The following CTNND2 variants were observed in gnomAD, a reference collection of about 807,000 sequenced individuals.
The protein encoded by CTNND2 is catenin delta-2.
Under a neutral mutation model 144.4 loss-of-function variants are expected in CTNND2, and 22 were observed. The observed-to-expected ratio is 0.15, with a 90% CI of 0.11 to 0.22. CTNND2 has a LOEUF of 0.22. Ranked by LOEUF, CTNND2 falls within the 10% of genes least tolerant of loss-of-function variation. The probability of loss-of-function intolerance (pLI) is 1.00; values close to 1 mark genes in which losing one functional copy is unlikely to be tolerated. For missense variants in CTNND2, 1,353 were observed against 1,618.8 expected (o/e 0.84, Z 2.82); for synonymous variants, 751 against 695.6 (o/e 1.08, Z -1.25).
chr5:11,867,737 G>T (rs1795840881), intron 1 of CTNND2, among the ~76,000 whole-genome samples: 1 of 152,036 alleles, frequency 6.6e-6, no homozygotes, highest in South Asian at 2.1e-4. Flanking sequence ...CAGCAAATCA[G>T]TGATAAAGCT....
At chr5:11,489,416 A>C (rs1446415033) in intron 3 of CTNND2, among the ~76,000 whole-genome samples, 2 of 152,168 alleles carry the variant, frequency 1.3e-5, no homozygotes, top group African/African-American at 4.8e-5. Context: ...TCCTAGATAA[A>C]ATTTGTAAGA....
chr5:11,689,246 G>A (rs753712790), intron 2 of CTNND2, among the ~76,000 whole-genome samples: 4 of 152,014 alleles, frequency 2.6e-5, no homozygotes, highest in Non-Finnish European at 5.9e-5. Context: ...TCTGGGATCT[G>A]GTTTCTTAAT....
At chr5:11,323,051 T>C (rs1412187839) in intron 9 of CTNND2, among the ~76,000 whole-genome samples, 2 of 152,106 alleles carry the variant, frequency 1.3e-5, no homozygotes, top group Non-Finnish European at 2.9e-5. Context: ...GTTTGTTTGT[T>C]TGTCTGAGTC....
intron 10 of CTNND2, among the ~76,000 whole-genome samples, chr5:11,201,466 C>T (rs1347873748): frequency 6.6e-6 from 1 of 152,226 alleles, no homozygotes; most frequent in African/African-American, 2.4e-5. Flanking sequence ...GCAGCTCTTC[C>T]AATCCGGCTT....
At chr5:11,277,783 C>T (rs538819190) in intron 9 of CTNND2, among the ~76,000 whole-genome samples, 80 of 152,164 alleles carry the variant, frequency 5.3e-4, no homozygotes, top group Admixed American at 4.0e-3. Context: ...CTGCCCGCCT[C>T]GGCCTCCCAA....
intron 1 of CTNND2, among the ~76,000 whole-genome samples, chr5:11,896,941 G>A (rs903749410): frequency 1.3e-5 from 2 of 152,124 alleles, no homozygotes; most frequent in Non-Finnish European, 2.9e-5. Flanking sequence ...TTCAACCTGA[G>A]TTAAGCAACA....
At chr5:11,221,153 T>C (rs1363921477) in intron 10 of CTNND2, among the ~76,000 whole-genome samples, 3 of 152,232 alleles carry the variant, frequency 2.0e-5, no homozygotes, top group Non-Finnish European at 4.4e-5. Context: ...ATAGCTTTTC[T>C]TGAAACATTT....
intron 3 of CTNND2, among the ~76,000 whole-genome samples, chr5:11,448,601 G>T (rs1765043777): frequency 6.6e-6 from 1 of 151,988 alleles, no homozygotes. Flanking sequence ...ATCTCATTTT[G>T]GTTTTCACAG....
intron 16 of CTNND2, among the ~76,000 whole-genome samples, chr5:11,044,542 ATAC>A (rs1485271252): frequency 1.2e-4 from 10 of 83,348 alleles, no homozygotes; most frequent in East Asian, 2.3e-3. Flanking sequence ...AAAAAAAAAA[ATAC>A]ATATATATAT....
At chr5:11,383,264 T>G (rs1758702830) in intron 7 of CTNND2, among the ~76,000 whole-genome samples, 1 of 152,292 alleles carries the variant, frequency 6.6e-6, no homozygotes, top group Non-Finnish European at 1.5e-5. Context: ...TGCGCATGGC[T>G]GAGAAGGGTG....
At chr5:11,181,705 A>T (rs1007474061) in intron 11 of CTNND2, among the ~76,000 whole-genome samples, 1 of 128,702 alleles carries the variant, frequency 7.8e-6, no homozygotes, top group East Asian at 2.5e-4. Flanking sequence ...TGTGTGGTGT[A>T]TGCGTGTGGT....
At chr5:11,423,563 A>G (rs147354341) in intron 3 of CTNND2, among the ~76,000 whole-genome samples, 81 of 152,264 alleles carry the variant, frequency 5.3e-4, no homozygotes, top group African/African-American at 1.9e-3. Flanking sequence ...TCTCTGAGAA[A>G]ATGGAGGGGG....
At chr5:11,892,893 C>T (rs1392474534) in intron 1 of CTNND2, among the ~76,000 whole-genome samples, 1 of 152,190 alleles carries the variant, frequency 6.6e-6, no homozygotes, top group African/African-American at 2.4e-5. Context: ...CTTATCCTCC[C>T]TTTCAAGAGA....
At chr5:11,813,306 C>A (rs1340431290) in intron 1 of CTNND2, among the ~76,000 whole-genome samples, 3 of 152,188 alleles carry the variant, frequency 2.0e-5, no homozygotes, top group Non-Finnish European at 2.9e-5. Context: ...CCTCATGATG[C>A]ATTTCTCAGA....
intron 1 of CTNND2, among the ~76,000 whole-genome samples, chr5:11,865,902 CA>C (rs56310600): frequency 1.0e-4 from 9 of 87,446 alleles, no homozygotes; most frequent in African/African-American, 3.2e-4. Context: ...CTGGAAGAGA[CA>C]AAAAAAAAAA....
intron 9 of CTNND2, among the ~76,000 whole-genome samples, chr5:11,278,190 T>C (rs1009949789): frequency 2.0e-5 from 3 of 152,170 alleles, no homozygotes; most frequent in Admixed American, 2.0e-4. Context: ...AATGCTTCTC[T>C]ACAGTCGCCA....
At chr5:11,105,820 T>C (rs887431325) in intron 14 of CTNND2, among the ~76,000 whole-genome samples, 1 of 152,098 alleles carries the variant, frequency 6.6e-6, no homozygotes, top group African/African-American at 2.4e-5. Flanking sequence ...GGACATGAAA[T>C]ATCATGCCTT....
intron 10 of CTNND2, among the ~76,000 whole-genome samples, chr5:11,204,039 T>C (rs1378380727): frequency 2.0e-5 from 3 of 152,222 alleles, no homozygotes; most frequent in African/African-American, 7.2e-5. Context: ...TAGTCAGTTG[T>C]TCCTGTGTCA....
chr5:11,701,497 T>G (rs1186642624), intron 2 of CTNND2, among the ~76,000 whole-genome samples: 6 of 152,362 alleles, frequency 3.9e-5, no homozygotes, highest in African/African-American at 7.2e-5. Flanking sequence ...ATATTCGTAT[T>G]TATTCTATTT....
Sources: gnomAD v4.1 joint callset for allele counts (sites outside exome capture counted in the v4.1 genomes callset) on GRCh38, gnomAD v4.1.1 for gene constraint, MANE v1.5 for transcripts, NCBI Gene and HGNC (gene_info 2026-07-23, HGNC 2026-07-21) for gene names.